The following ADAM2 variants were observed in gnomAD, a reference collection of about 807,000 sequenced individuals.
The protein encoded by ADAM2 is ADAM metallopeptidase domain 2.
Under a neutral mutation model 99.3 loss-of-function variants are expected in ADAM2, and 101 were observed. The ratio of observed to expected loss-of-function variants is 1.02; its 90% CI spans 0.87 to 1.20. ADAM2 has a LOEUF of 1.20. Among genes scored for constraint, ADAM2 ranks in the 50% most tolerant of loss-of-function variants. ADAM2 has a pLI of 0.00. For synonymous variants in ADAM2, 323 were observed against 287.6 expected (o/e 1.12, Z -1.25); for missense variants, 948 against 878.7 (o/e 1.08, Z -1.00).
intron 6 of ADAM2, among the ~76,000 whole-genome samples, chr8:39,810,385 C>G (rs986690353): frequency 6.6e-6 from 1 of 152,020 alleles, no homozygotes; most frequent in East Asian, 1.9e-4. Flanking sequence ...AGAGACAGAA[C>G]GTTAACAAGG....
intron 16 of ADAM2, among the ~76,000 whole-genome samples, chr8:39,753,267 G>A (rs1027132493): frequency 1.3e-5 from 2 of 152,164 alleles, no homozygotes; most frequent in African/African-American, 4.8e-5. Flanking sequence ...GTTTTAGCAA[G>A]AAGAGTGGCA....
intron 14 of ADAM2, among the ~76,000 whole-genome samples, chr8:39,765,441 C>T (rs545262965): frequency 1.3e-5 from 2 of 152,026 alleles, no homozygotes; most frequent in African/African-American, 4.8e-5. Flanking sequence ...ATATAAGAGA[C>T]ATATATAAAT....
Position 39,788,226 on chromosome 8 carries a change from AT to A in ADAM2, c.667del (p.Ile223LeufsTer10). On this transcript the variant is annotated frameshift_variant, in exon 9 of 21. Transcript: ENST00000265708. LOFTEE classifies it high-confidence loss of function. ...NAIFVSFNITIILSSLELWID... is the reference protein window; with the variant it reads ...NAIFVSFNITXILSSLELWID... ...CCAAAGCTCCAATGAAGACAGAATA[AT>A]TGTAATATTAAATGAAACAAAAATC... is the stretch of plus-strand genomic sequence containing the variant. The A allele has an allele frequency of 6.5e-7, 1 of 1,536,324 alleles. No homozygotes were observed.
At chr8:39,749,274 A>C in intron 18 of ADAM2, 38 bp downstream of exon 18, 1 of 1,524,618 alleles carries the variant, frequency 6.6e-7, no homozygotes. Context: ...AATTCAAATT[A>C]TGTTTTAATT....
At chr8:39,812,408 A>C (rs1399984231) in intron 6 of ADAM2, among the ~76,000 whole-genome samples, 2 of 152,230 alleles carry the variant, frequency 1.3e-5, no homozygotes, top group Admixed American at 1.3e-4. Context: ...CTTTCTTCAC[A>C]GAATTGGAAA....
chr8:39,768,739 C>T (rs1052376143), intron 12 of ADAM2, among the ~76,000 whole-genome samples: 1 of 152,132 alleles, frequency 6.6e-6, no homozygotes, highest in African/African-American at 2.4e-5. Context: ...ATTGAACCTA[C>T]ATCAACTCAG....
intron 7 of ADAM2, among the ~76,000 whole-genome samples, chr8:39,796,262 G>A (rs1181312953): frequency 6.6e-6 from 1 of 152,034 alleles, no homozygotes; most frequent in Non-Finnish European, 1.5e-5. Context: ...TCAATGTTCA[G>A]CTCCCACTTA....
At chr8:39,751,779 C>T (rs368159862) in intron 16 of ADAM2, among the ~76,000 whole-genome samples, 3 of 152,118 alleles carry the variant, frequency 2.0e-5, no homozygotes, top group African/African-American at 7.2e-5. Flanking sequence ...TAGGTTCCTA[C>T]AGAAACCTTC....
At chr8:39,769,226 A>AAT (rs1802682601) in intron 12 of ADAM2, among the ~76,000 whole-genome samples, 166 bp downstream of exon 12, 1 of 152,180 alleles carries the variant, frequency 6.6e-6, no homozygotes, top group Admixed American at 6.5e-5. Context: ...GCACTACACC[A>AAT]ATATATATAA....
In ADAM2 at chr8:39,769,388, C is replaced by G. The variant is rs1465538647; in HGVS notation, c.1212+4G>C. On this transcript the variant is annotated splice_donor_region_variant and intron_variant, in intron 12 of 20. Transcript: ENST00000265708. ...AGTGCGTAGTCTTCCGAATTAGTAC[C>G]AACCTGTTCAGTCCCACAGTCACAC... 6.2e-7 allele frequency: 1 copy of G among 1,607,160 alleles called. No individual in the cohort carries two copies. Among genetic ancestry groups the G allele is most frequent in the Non-Finnish European group, 8.5e-7 (1 of 1,175,924 alleles).
chr8:39,777,293 G>C, intron 10 of ADAM2, 132 bp from the exon 11 acceptor site: 1 of 594,468 alleles, frequency 1.7e-6, no homozygotes, highest in East Asian at 2.9e-5. Context: ...ATCCTTGTTG[G>C]TCTAACTCAT....
In ADAM2 at chr8:39,769,351, T is replaced by G. The variant is rs189406569; in HGVS notation, c.1212+41A>C. Reference sequence around the variant, plus strand: ...CTCACTCGAATTAATAAGTAATTTTTGCTGCAATTTCAGTGCGTAGTCTTC... The same window carrying G: ...CTCACTCGAATTAATAAGTAATTTTGGCTGCAATTTCAGTGCGTAGTCTTC... On this transcript the variant is annotated intron_variant, in intron 12 of 20. Transcript: ENST00000265708. 13 of 1,477,626 alleles carry G rather than the reference T, an allele frequency of 8.8e-6. No individual in the cohort carries two copies. In the African/African-American group the frequency reaches 9.8e-5, roughly 11 times the overall value. The allele number at this position is 1,477,626 out of a possible 1,614,324, so 91.5% of individuals were successfully genotyped here.
intron 3 of ADAM2, among the ~76,000 whole-genome samples, chr8:39,833,636 G>T (rs540172432): frequency 5.9e-5 from 9 of 152,026 alleles, no homozygotes; most frequent in African/African-American, 2.2e-4. Flanking sequence ...GAATATAAAA[G>T]AACTTAAAAA....
intron 7 of ADAM2, among the ~76,000 whole-genome samples, chr8:39,793,009 G>T (rs1803786359): frequency 6.6e-6 from 1 of 151,976 alleles, no homozygotes; most frequent in Non-Finnish European, 1.5e-5. Flanking sequence ...ATAAGAAAAA[G>T]TTGCATAAAA....
chr8:39,772,238 T>C (rs1802814112), intron 11 of ADAM2, among the ~76,000 whole-genome samples: 1 of 152,042 alleles, frequency 6.6e-6, no homozygotes, highest in African/African-American at 2.4e-5. Flanking sequence ...TCACTTTTTT[T>C]TTATAATGGA....
rs1823641537 is a variant in ADAM2 at position 39,749,703 on chromosome 8, A to G, written c.1839T>C (p.Gly613=). ...NQRCVSSSYL[G]YDCTTDKCND... Reference sequence around the variant, plus strand: ...TGCATTTGTCAGTAGTACAATCATAACCCAAGTATGAAGAACTCACACATC... The same window carrying G: ...TGCATTTGTCAGTAGTACAATCATAGCCCAAGTATGAAGAACTCACACATC... Residue 613 remains glycine, a synonymous_variant, in exon 17 of 21, where the codon GGT becomes GGC. Coordinates refer to ENST00000265708, the MANE Select transcript of ADAM2 (RefSeq NM_001464.5). 6.2e-7 allele frequency: 1 copy of G among 1,612,436 alleles called. No individual in the cohort carries two copies. The highest frequency in any genetic ancestry group is 1.3e-5 in the African/African-American group (1 of 74,814).
At position 39,837,222 on chromosome 8, in the gene ADAM2, G is replaced by C. The variant is rs1380305898; in HGVS notation, c.56-10C>G. On this transcript the variant is annotated splice_polypyrimidine_tract_variant and intron_variant, in intron 1 of 20. Transcript: ENST00000265708. ...GGTAAACTATCAAAATCTGCAAAATGTGCAAAATGTTTTATTAGAACAATG... is the reference window on the plus strand; with the variant it reads ...GGTAAACTATCAAAATCTGCAAAATCTGCAAAATGTTTTATTAGAACAATG... 6.3e-7 allele frequency: 1 copy of C among 1,588,370 alleles called. No homozygotes were observed. The highest frequency in any genetic ancestry group is 8.6e-7 in the Non-Finnish European group (1 of 1,162,130).
intron 7 of ADAM2, 103 bp downstream of exon 7, chr8:39,809,307 G>T: frequency 3.2e-6 from 2 of 630,036 alleles, no homozygotes; most frequent in South Asian, 4.0e-5. Context: ...GCAGAGCTAA[G>T]GCAAAATTAT....
At chr8:39,797,263 A>T (rs891487919) in intron 7 of ADAM2, among the ~76,000 whole-genome samples, 3 of 152,214 alleles carry the variant, frequency 2.0e-5, no homozygotes, top group African/African-American at 7.2e-5. Flanking sequence ...AGTTTTCTGC[A>T]TATGGCTAGC....
Sources: allele counts gnomAD v4.1 joint callset (sites outside exome capture counted in the v4.1 genomes callset), GRCh38; gene constraint gnomAD v4.1.1; transcripts MANE v1.5; gene names NCBI Gene and HGNC (gene_info 2026-07-23, HGNC 2026-07-21).